SORL1: variants seen among roughly 807,000 people sequenced by gnomAD.
The protein encoded by SORL1 is sortilin related receptor 1.
Under a neutral mutation model 273.7 loss-of-function variants are expected in SORL1, and 127 were observed. The observed-to-expected ratio is 0.46, with a 90% CI of 0.40 to 0.54. The LOEUF (loss-of-function observed/expected upper bound fraction) is 0.54. Among genes scored for constraint, SORL1 ranks in the 20% least tolerant of loss-of-function variants. SORL1 has a pLI of 0.00. For missense variants in SORL1, 2,494 were observed against 2,846.1 expected (o/e 0.88, Z 2.81); for synonymous variants, 1,031 against 1,067.4 (o/e 0.97, Z 0.66).
chr11:121,573,880 G>A (rs373820259), intron 23 of SORL1, among the ~76,000 whole-genome samples: 21 of 152,248 alleles, frequency 1.4e-4, no homozygotes, highest in East Asian at 5.8e-4. Context: ...TTCTCTAATC[G>A]TAGTTTCATA....
rs1180190658 is a variant in SORL1 at position 121,629,863 on chromosome 11, T to A, written c.*300T>A. The A allele has an allele frequency of 1.7e-5, 6 of 348,230 alleles. No individual in the cohort carries two copies. The South Asian group carries it at 2.8e-4, about 16-fold the overall frequency. 21.6% of individuals were successfully genotyped at this position (348,230 alleles called of 1,614,324 possible). On this transcript the variant is annotated 3_prime_UTR_variant, in exon 48 of 48. Coordinates refer to ENST00000260197, the MANE Select transcript of SORL1 (RefSeq NM_003105.6). Reference sequence around the variant, plus strand: ...CGTCTGTGAGATAATTTCGGTTCAGTAAATTGGCCAATCTTTTTATTTTTC... The same window carrying A: ...CGTCTGTGAGATAATTTCGGTTCAGAAAATTGGCCAATCTTTTTATTTTTC...
In SORL1 at chr11:121,599,454, G is replaced by T. The variant is rs530959324; in HGVS notation, c.4519+3682G>T. On this transcript the variant is annotated intron_variant, in intron 32 of 47. Coordinates refer to ENST00000260197, the MANE Select transcript of SORL1 (RefSeq NM_003105.6). The stretch of plus-strand genomic sequence containing the variant: ...AGCTATTTGGGAGGCTGAGGCAGGA[G>T]AATTGCTTGAACCCGGGAGGCGGAG... 1.6e-3 allele frequency among the ~76,000 whole-genome samples: 246 copies of T among 152,312 alleles called. 1 individual carries two copies. The highest frequency in any genetic ancestry group is 5.7e-3 in the African/African-American group (236 of 41,556).
At chr11:121,495,108 G>A (rs1861608996) in intron 5 of SORL1, among the ~76,000 whole-genome samples, 1 of 152,302 alleles carries the variant, frequency 6.6e-6, no homozygotes, top group South Asian at 2.1e-4. Flanking sequence ...TTTCAAGACA[G>A]GGTATTGCTC....
At chr11:121,542,859 T>A (rs1862367371) in intron 12 of SORL1, among the ~76,000 whole-genome samples, 1 of 150,094 alleles carries the variant, frequency 6.7e-6, no homozygotes. Context: ...TGTCCAACCC[T>A]TATTAAGTGC....
intron 6 of SORL1, among the ~76,000 whole-genome samples, chr11:121,509,982 T>C (rs1435735900): frequency 6.6e-6 from 1 of 152,180 alleles, no homozygotes; most frequent in African/African-American, 2.4e-5. Context: ...AATTTTGACT[T>C]AATAATTCTT....
intron 6 of SORL1, among the ~76,000 whole-genome samples, chr11:121,503,621 G>A (rs977979533): frequency 6.6e-6 from 1 of 152,024 alleles, no homozygotes; most frequent in Non-Finnish European, 1.5e-5. Context: ...CTGAGTAGCT[G>A]CAACTGCAGG....
intron 45 of SORL1, among the ~76,000 whole-genome samples, chr11:121,624,218 A>G (rs750758174): frequency 1.3e-5 from 2 of 152,218 alleles, no homozygotes; most frequent in Admixed American, 6.5e-5. Context: ...CACATCAAGA[A>G]TAGATGGGTC....
At chr11:121,527,461 T>C (rs1258412825) in intron 11 of SORL1, among the ~76,000 whole-genome samples, 2 of 152,088 alleles carry the variant, frequency 1.3e-5, no homozygotes, top group Non-Finnish European at 2.9e-5. Context: ...TTTGTTTTTT[T>C]TTGTAAAATC....
chr11:121,485,358 A>G (rs1861458805), intron 3 of SORL1, among the ~76,000 whole-genome samples: 1 of 152,160 alleles, frequency 6.6e-6, no homozygotes, highest in African/African-American at 2.4e-5. Flanking sequence ...TGAGATGTGA[A>G]CATGTGAACC....
chr11:121,531,903 G>A (rs1380177700), intron 11 of SORL1, among the ~76,000 whole-genome samples: 1 of 152,188 alleles, frequency 6.6e-6, no homozygotes, highest in African/African-American at 2.4e-5. Flanking sequence ...TGAGACTGAG[G>A]TGCACCCCAT....
chr11:121,511,727 C>T (rs1861880794), intron 6 of SORL1, among the ~76,000 whole-genome samples: 1 of 152,168 alleles, frequency 6.6e-6, no homozygotes, highest in Non-Finnish European at 1.5e-5. Flanking sequence ...ATGTCTGCTG[C>T]TCAAATGGAT....
At chr11:121,537,783 G>A (rs1862287381) in intron 12 of SORL1, among the ~76,000 whole-genome samples, 1 of 152,182 alleles carries the variant, frequency 6.6e-6, no homozygotes, top group African/African-American at 2.4e-5. Flanking sequence ...AAAGTTCTCT[G>A]GTAAGGGAGA....
rs1863047334 is a variant in SORL1 at position 121,583,600 on chromosome 11, C to T, written c.3706+17C>T. On this transcript the variant is annotated intron_variant, in intron 26 of 47. Coordinates refer to ENST00000260197, the MANE Select transcript of SORL1 (RefSeq NM_003105.6). The stretch of plus-strand genomic sequence containing the variant: ...TCAACTGTGGTAAATGCAAATTCCC[C>T]AGCTCCCTCCCTGAGCCTCCCCAGT... 5 of 1,596,304 alleles carry T rather than the reference C, an allele frequency of 3.1e-6. No individual in the cohort carries two copies. The highest frequency in any genetic ancestry group is 1.3e-5 in the African/African-American group (1 of 74,274).
intron 11 of SORL1, among the ~76,000 whole-genome samples, chr11:121,528,399 C>G (rs1862155164): frequency 6.6e-6 from 1 of 152,120 alleles, no homozygotes. Context: ...GTCAAGGTTG[C>G]AGTGAGCTGT....
rs536827974 is a variant in SORL1, at chr11:121,475,995, G to T, written c.403-2123G>T. Among the ~76,000 whole-genome samples the T allele has an allele frequency of 1.5e-4, 23 of 152,236 alleles. 1 individual carries two copies. The South Asian group carries it at 4.4e-3, about 29-fold the overall frequency. ...AAGAGACAAAGGTGAGACTAACTCC[G>T]GTTTTTCAGATGAAGAGAGAGAATG... On this transcript the variant is annotated intron_variant, in intron 2 of 47. Transcript: ENST00000260197.
chr11:121,541,780 T>C lies in SORL1; in HGVS notation c.1686-1768T>C, dbSNP rs968625346. On this transcript the variant is annotated intron_variant, in intron 12 of 47. Coordinates refer to ENST00000260197, the MANE Select transcript of SORL1 (RefSeq NM_003105.6). ...AAAACAAGTGTTGGGCAGATTTTCT[T>C]CCTTGCCTCCCTCTCCGTCCCTCTT... is the stretch of plus-strand genomic sequence containing the variant. 2.0e-4 allele frequency among the ~76,000 whole-genome samples: 30 copies of C among 152,204 alleles called. 2 individuals carry two copies. The highest frequency in any genetic ancestry group is 4.4e-5 in the Non-Finnish European group (3 of 68,024).
intron 39 of SORL1, 198 bp from the exon 40 acceptor site, chr11:121,612,538 A>T: frequency 2.3e-6 from 1 of 429,304 alleles, no homozygotes; most frequent in East Asian, 3.8e-5. Context: ...TTTTAGAAGT[A>T]GGTGGAGTAC....
chr11:121,579,414 A>C (rs1241785497), intron 25 of SORL1, among the ~76,000 whole-genome samples: 1 of 152,244 alleles, frequency 6.6e-6, no homozygotes, highest in East Asian at 1.9e-4. Context: ...TCCTGTTGGC[A>C]TCAGCTTGGA....
chr11:121,452,544 C>T lies in SORL1; in HGVS notation c.213C>T (p.Arg71=). The T allele has an allele frequency of 2.0e-6, 3 of 1,496,904 alleles. No homozygotes were observed. The highest frequency in any genetic ancestry group is 2.7e-6 in the Non-Finnish European group (3 of 1,128,856). 92.7% of individuals were successfully genotyped at this position (1,496,904 alleles called of 1,614,324 possible). Residue 71 remains arginine, a synonymous_variant, in exon 1 of 48, where the codon CGC becomes CGT. Coordinates refer to ENST00000260197, the MANE Select transcript of SORL1 (RefSeq NM_003105.6). This position sits in a 1 kb window ranked among gnomAD's most constrained non-coding sequence, Gnocchi z 5.3. ...WARGDARGAS[R]ADEKPLRRKR... is the part of the protein sequence containing the mutation. The stretch of plus-strand genomic sequence containing the variant: ...GCGGGGATGCCAGGGGGGCGAGCCG[C>T]GCGGACGAGAAGCCGCTCCGGAGGA...
Sources: gnomAD v4.1 joint callset for allele counts (sites outside exome capture counted in the v4.1 genomes callset) on GRCh38, gnomAD v4.1.1 for gene constraint, Gnocchi (gnomAD v3.1) non-coding constraint, MANE v1.5 for transcripts, NCBI Gene and HGNC (gene_info 2026-07-23, HGNC 2026-07-21) for gene names.